FGD5: variants seen among roughly 807,000 people sequenced by gnomAD.
FGD5 encodes the protein FYVE, RhoGEF and PH domain-containing protein 5.
FGD5 carries 28 observed loss-of-function variants against 133.4 expected under a neutral mutation model. The ratio of observed to expected loss-of-function variants is 0.21; its 90% CI spans 0.16 to 0.29. The LOEUF (loss-of-function observed/expected upper bound fraction) is 0.29. FGD5 is among the 10% of genes least tolerant of loss of function. FGD5 has a pLI of 1.00. For synonymous variants in FGD5, 810 were observed against 776.5 expected (o/e 1.04, Z -0.72); for missense variants, 1,858 against 1,895.2 (o/e 0.98, Z 0.36).
chr3:14,850,804 G>C (rs1426759872), intron 1 of FGD5, among the ~76,000 whole-genome samples: 1 of 151,880 alleles, frequency 6.6e-6, no homozygotes, highest in South Asian at 2.1e-4. Flanking sequence ...AGTGGTGGGT[G>C]GGAGGGATGG....
intron 2 of FGD5, among the ~76,000 whole-genome samples, chr3:14,876,635 G>A (rs1575225372): frequency 6.6e-6 from 1 of 152,178 alleles, no homozygotes; most frequent in East Asian, 1.9e-4. Flanking sequence ...CTGAACAGAA[G>A]GTAGCTGGAT....
At chr3:14,831,805 A>C (rs1022039768) in intron 1 of FGD5, among the ~76,000 whole-genome samples, 7 of 152,190 alleles carry the variant, frequency 4.6e-5, no homozygotes, top group Admixed American at 3.3e-4. Context: ...TGTGGGGTGA[A>C]GAAGCCACTA....
In FGD5 at chr3:14,929,503, T is replaced by C. The variant is rs532994297; in HGVS notation, c.4198-3074T>C. 3.3e-5 allele frequency among the ~76,000 whole-genome samples: 5 copies of C among 152,368 alleles called. No individual in the cohort carries two copies. In the East Asian group the frequency reaches 9.6e-4, roughly 29 times the overall value. On this transcript the variant is annotated intron_variant, in intron 18 of 19. Coordinates refer to ENST00000285046, the MANE Select transcript of FGD5 (RefSeq NM_152536.4). ...AGTTCTGGTTGCTCCACATCATTGC[T>C]AACACTTGGTGTTGTCAGGCTTTAA... is the stretch of plus-strand genomic sequence containing the variant.
chr3:14,837,471 G>C (rs1175480470), intron 1 of FGD5, among the ~76,000 whole-genome samples: 1 of 152,178 alleles, frequency 6.6e-6, no homozygotes, highest in Non-Finnish European at 1.5e-5. Flanking sequence ...CGGGGGCTGG[G>C]GGGGATGTAT....
intron 2 of FGD5, among the ~76,000 whole-genome samples, chr3:14,875,519 G>GGAGT (rs2037700964): frequency 6.6e-6 from 1 of 152,194 alleles, no homozygotes; most frequent in African/African-American, 2.4e-5. Flanking sequence ...GTGGCATGGA[G>GGAGT]GAGTGGTGGA....
intron 2 of FGD5, 91 bp downstream of exon 2, chr3:14,864,351 G>A (rs888560776): frequency 2.1e-5 from 33 of 1,583,406 alleles, no homozygotes; most frequent in Admixed American, 8.5e-5. Flanking sequence ...TGGTGCGGAC[G>A]GAGCTGTTTG....
At chr3:14,859,906 C>CT (rs1215957267) in intron 1 of FGD5, among the ~76,000 whole-genome samples, 1 of 152,240 alleles carries the variant, frequency 6.6e-6, no homozygotes, top group African/African-American at 2.4e-5. Flanking sequence ...GGGAAAGAAA[C>CT]TTAGAAAATC....
intron 2 of FGD5, among the ~76,000 whole-genome samples, chr3:14,876,048 G>A (rs1205335618): frequency 6.6e-6 from 1 of 152,154 alleles, no homozygotes; most frequent in Non-Finnish European, 1.5e-5. Flanking sequence ...GGACCCAGGA[G>A]GCCTGTACGC....
intron 13 of FGD5, among the ~76,000 whole-genome samples, chr3:14,920,070 TAA>T (rs1258148390): frequency 2.6e-5 from 4 of 152,018 alleles, no homozygotes; most frequent in South Asian, 4.2e-4. Flanking sequence ...ACCATGACCT[TAA>T]AGAGCATCCC....
chr3:14,907,823 C>G (rs2038368693), intron 10 of FGD5, 112 bp downstream of exon 10: 1 of 1,086,404 alleles, frequency 9.2e-7, no homozygotes, highest in African/African-American at 1.6e-5. Context: ...GCTGTCTACC[C>G]ATGGAGGGCA....
At chr3:14,855,991 A>T (rs550755823) in intron 1 of FGD5, among the ~76,000 whole-genome samples, 4 of 152,196 alleles carry the variant, frequency 2.6e-5, no homozygotes, top group Admixed American at 2.6e-4. Context: ...GTTTTCTTCT[A>T]CTAGTTTTAT....
In FGD5 at chr3:14,907,489, A is replaced by G. The variant is rs962153430; in HGVS notation, c.3265-151A>G. The G allele has an allele frequency of 1.4e-5, 9 of 647,008 alleles. No homozygotes were observed. In the African/African-American group the frequency reaches 1.7e-4, roughly 12 times the overall value. 40.1% of individuals were successfully genotyped at this position (647,008 alleles called of 1,614,324 possible). A position where few individuals can be genotyped will look rare whatever the true frequency, so the allele number is the denominator to read the frequency against. On this transcript the variant is annotated intron_variant, in intron 9 of 19. Coordinates refer to ENST00000285046, the MANE Select transcript of FGD5 (RefSeq NM_152536.4). ...CCCTGCAGACCCAGGCTCGGATCCC[A>G]GTCCTGCCTTGTACAGGAGGTTGGA... is the stretch of plus-strand genomic sequence containing the variant.
chr3:14,864,023 A>T, intron 1 of FGD5, 105 bp from the exon 2 acceptor site: 1 of 1,496,446 alleles, frequency 6.7e-7, no homozygotes, highest in Non-Finnish European at 9.1e-7. Context: ...CCTGAGTCTT[A>T]CTACTTGTTT....
At chr3:14,933,078 A>G (rs1299125207) in intron 19 of FGD5, 53 bp from the exon 20 acceptor site, 7 of 1,596,464 alleles carry the variant, frequency 4.4e-6, no homozygotes, top group Non-Finnish European at 5.1e-6. Context: ...TTCTGTGACC[A>G]GAGTCATAGG....
upstream of FGD5, among the ~76,000 whole-genome samples, chr3:14,815,100 G>T (rs191289206): frequency 1.6e-4 from 24 of 152,212 alleles, no homozygotes; most frequent in East Asian, 4.3e-3. Flanking sequence ...GAATGTGCAT[G>T]TCCCTCTGCT....
intron 19 of FGD5, 63 bp downstream of exon 19, chr3:14,932,794 T>C (rs2038921831): frequency 1.3e-6 from 2 of 1,564,542 alleles, no homozygotes; most frequent in South Asian, 1.2e-5. Flanking sequence ...AAGTTGTTTC[T>C]TGGGGCTTTG....
intron 4 of FGD5, among the ~76,000 whole-genome samples, chr3:14,881,183 G>A (rs570399484): frequency 6.6e-6 from 1 of 152,186 alleles, no homozygotes; most frequent in Non-Finnish European, 1.5e-5. Flanking sequence ...TGACAGAGCA[G>A]CTGAGGGTAT....
chr3:14,819,085 C>T lies in FGD5; in HGVS notation c.14C>T (p.Pro5Leu), dbSNP rs759256192. 37 of 1,548,586 alleles carry T rather than the reference C, an allele frequency of 2.4e-5. No individual in the cohort carries two copies. The highest frequency in any genetic ancestry group is 2.2e-4 in the Middle Eastern group (1 of 4,524). Residue 5 changes from proline to leucine, a missense_variant, in exon 1 of 20, where the codon CCG (proline) becomes CTG (leucine). Pro to Leu is a moderately conservative substitution (Grantham distance 98, BLOSUM62 -3). Around this residue, in one of 3 missense-constraint regions of FGD5, gnomAD observed 29 missense variants for 27.6 expected, o/e 1.05. Coordinates refer to ENST00000285046, the MANE Select transcript of FGD5 (RefSeq NM_152536.4). The surrounding 1 kb of genome is among the most constrained non-coding windows in gnomAD (Gnocchi z 4.1). MFRG[P>L]KPPIAPKPRL... ...AGTCCAAACTCCATGTTCAGGGGTCCGAAGCCCCCCATTGCCCCCAAGCCC... is the reference window on the plus strand; with the variant it reads ...AGTCCAAACTCCATGTTCAGGGGTCTGAAGCCCCCCATTGCCCCCAAGCCC...
chr3:14,907,469 C>T (rs1408177909), intron 9 of FGD5, among the ~76,000 whole-genome samples, 171 bp from the exon 10 acceptor site: 1 of 152,206 alleles, frequency 6.6e-6, no homozygotes, highest in Non-Finnish European at 1.5e-5. Context: ...TGGCTCCCTG[C>T]AGACCCAGGC....
Sources: gnomAD v4.1 joint callset for allele counts (sites outside exome capture counted in the v4.1 genomes callset) on GRCh38, gnomAD v4.1.1 for gene constraint, gnomAD v4.1.1 regional missense constraint, Gnocchi (gnomAD v3.1) non-coding constraint, MANE v1.5 for transcripts, NCBI Gene and HGNC (gene_info 2026-07-23, HGNC 2026-07-21) for gene names.